The following DDX46 variants were observed in gnomAD, a reference collection of about 807,000 sequenced individuals.
The protein encoded by DDX46 is DEAD-box helicase 46.
In DDX46, 30 loss-of-function variants were observed where a neutral mutation model predicts 134.9. The observed-to-expected ratio is 0.22, with a 90% CI of 0.17 to 0.30. The LOEUF (loss-of-function observed/expected upper bound fraction) is 0.30. DDX46 is among the 10% of genes least tolerant of loss of function. DDX46 has a pLI of 1.00. For synonymous variants in DDX46, 415 were observed against 404.1 expected, an observed-to-expected ratio of 1.03 and a Z score of -0.32; for missense variants, 622 against 1,248.7, an observed-to-expected ratio of 0.50 and a Z score of 7.56.
At chr5:134,775,927 A>G (rs772082385) in intron 5 of DDX46, among the ~76,000 whole-genome samples, 4 of 151,934 alleles carry the variant, frequency 2.6e-5, no homozygotes, top group Non-Finnish European at 5.9e-5. Context: ...AAGCACACCA[A>G]CCCCCACACA....
chr5:134,788,348 G>A (rs1025957058), intron 11 of DDX46, among the ~76,000 whole-genome samples, 165 bp from the exon 12 acceptor site: 3 of 152,022 alleles, frequency 2.0e-5, no homozygotes, highest in African/African-American at 7.2e-5. Context: ...ATGGCACTAT[G>A]TGGTCACGTT....
chr5:134,811,859 T>G lies in DDX46; in HGVS notation c.2436+14T>G. 7 of 1,601,136 alleles carry G rather than the reference T, an allele frequency of 4.4e-6. No homozygotes were observed. Among genetic ancestry groups the G allele is most frequent in the Non-Finnish European group, 6.0e-6 (7 of 1,176,414 alleles). ...GCTGCAGTTGATGTAAGTACTATTA[T>G]TCTCTCATTCTTAATTGAAGCAGTT... On this transcript the variant is annotated intron_variant, in intron 18 of 22. Transcript: ENST00000452510.
At chr5:134,797,222 G>GTTTGAA (rs1754693443) in intron 15 of DDX46, 1 of 224,218 alleles carries the variant, frequency 4.5e-6, no homozygotes, top group African/African-American at 2.5e-5. Context: ...AACAGAGACA[G>GTTTGAA]TTTGAATTAT....
At chr5:134,761,173 G>A (rs1732162414) in intron 1 of DDX46, among the ~76,000 whole-genome samples, 1 of 152,128 alleles carries the variant, frequency 6.6e-6, no homozygotes, top group Non-Finnish European at 1.5e-5. Flanking sequence ...CTGCAAGCGT[G>A]TGCCACCACG....
chr5:134,819,526 A>C (rs2150160210), intron 21 of DDX46, among the ~76,000 whole-genome samples: 1 of 152,242 alleles, frequency 6.6e-6, no homozygotes, highest in Non-Finnish European at 1.5e-5. Flanking sequence ...TTCATTCCAG[A>C]GGCAATTTCC....
chr5:134,807,893 T>C lies in DDX46; in HGVS notation c.2100T>C (p.Tyr700=), dbSNP rs1315022969. 1.1e-5 allele frequency: 18 copies of C among 1,614,066 alleles called. No homozygotes were observed. The highest frequency in any genetic ancestry group is 1.5e-5 in the Non-Finnish European group (18 of 1,180,032). The change falls in exon 16 of 23, where the codon TAT becomes TAC. Residue 700 remains tyrosine, a synonymous_variant. Transcript: ENST00000452510. ...LVVNYSCPNH[Y]EDYVHRAGRT... is the part of the protein sequence containing the mutation. ...TAAATTATAGCTGCCCCAACCATTA[T>C]GAGGATTATGTACACAGAGCAGGGC...
chr5:134,817,245 C>T, intron 19 of DDX46: 1 of 414,402 alleles, frequency 2.4e-6, no homozygotes, highest in Non-Finnish European at 4.3e-6. Flanking sequence ...TCAACTACAT[C>T]TCTATGATCT....
chr5:134,808,096 ATGTACAGGTCTAAGTGT>A (rs1306097932), intron 16 of DDX46, among the ~76,000 whole-genome samples, 155 bp downstream of exon 16: 1 of 152,172 alleles, frequency 6.6e-6, no homozygotes, highest in Non-Finnish European at 1.5e-5. Flanking sequence ...ATTTATATAC[ATGTACAGGTCTAAGTGT>A]TGTTCAAATT....
chr5:134,790,912 C>T (rs1754481627), intron 13 of DDX46, among the ~76,000 whole-genome samples: 1 of 152,114 alleles, frequency 6.6e-6, no homozygotes, highest in Non-Finnish European at 1.5e-5. Flanking sequence ...GCAACCTCTG[C>T]CTCCTGGGTT....
chr5:134,802,681 T>C (rs1754868242), intron 15 of DDX46, among the ~76,000 whole-genome samples: 1 of 152,188 alleles, frequency 6.6e-6, no homozygotes. Flanking sequence ...TTGATCATAA[T>C]TATTATATGT....
At chr5:134,781,379 T>A (rs949600860) in intron 7 of DDX46, 133 bp downstream of exon 7, 1 of 685,420 alleles carries the variant, frequency 1.5e-6, no homozygotes, top group African/African-American at 1.9e-5. Context: ...TTCTTGCTAT[T>A]CTTAGTAGTA....
chr5:134,791,967 C>A (rs778993443), intron 13 of DDX46, among the ~76,000 whole-genome samples: 2 of 152,110 alleles, frequency 1.3e-5, no homozygotes, highest in Non-Finnish European at 2.9e-5. Flanking sequence ...CACTTGAAGT[C>A]AGGAGATCAG....
rs1561870021 is a variant in DDX46 at position 134,807,842 on chromosome 5, A to T, written c.2049A>T (p.Leu683=). The change falls in exon 16 of 23, where the codon CTA becomes CTT. Residue 683 remains leucine, a synonymous_variant. Transcript: ENST00000452510. ...LVATSVAARG[L]DVKHLILVVN... ...CTACCTCTGTTGCTGCCCGAGGTCT[A>T]GATGTGAAACATCTGATTCTTGTAG... 2.5e-6 allele frequency: 4 copies of T among 1,614,088 alleles called. No individual in the cohort carries two copies. Among genetic ancestry groups the T allele is most frequent in the Non-Finnish European group, 3.4e-6 (4 of 1,180,042 alleles).
At chr5:134,775,953 G>A (rs570976397) in intron 5 of DDX46, among the ~76,000 whole-genome samples, 72 of 152,276 alleles carry the variant, frequency 4.7e-4, no homozygotes, top group African/African-American at 1.7e-3. Context: ...ATATCCATAT[G>A]TAACTTTTTA....
At chr5:134,799,175 T>C (rs1754754451) in intron 15 of DDX46, among the ~76,000 whole-genome samples, 1 of 152,208 alleles carries the variant, frequency 6.6e-6, no homozygotes, top group Non-Finnish European at 1.5e-5. Context: ...CATTTGTTTA[T>C]GATTTTTTTA....
intron 15 of DDX46, among the ~76,000 whole-genome samples, chr5:134,799,111 G>C (rs1396204545): frequency 6.6e-6 from 1 of 152,066 alleles, no homozygotes; most frequent in Non-Finnish European, 1.5e-5. Context: ...CTAGGATTTT[G>C]GTATCTGCCA....
At chr5:134,779,431 T>C (rs1754062135) in intron 6 of DDX46, among the ~76,000 whole-genome samples, 1 of 152,366 alleles carries the variant, frequency 6.6e-6, no homozygotes, top group African/African-American at 2.4e-5. Context: ...TGACCTCAAA[T>C]GATCTGTCTG....
Position 134,808,076 on chromosome 5 carries a change from G to A in DDX46, c.2148+135G>A. On this transcript the variant is annotated intron_variant, in intron 16 of 22. Coordinates refer to ENST00000452510, the MANE Select transcript of DDX46 (RefSeq NM_001300860.2). ...AATCCACATAATGTGAAGAGTGGTTGATGTTAATAATTTATATACATGTAC... is the reference window on the plus strand; with the variant it reads ...AATCCACATAATGTGAAGAGTGGTTAATGTTAATAATTTATATACATGTAC... 3.7e-6 allele frequency: 3 copies of A among 820,970 alleles called. 1 individual carries two copies. Among genetic ancestry groups the A allele is most frequent in the South Asian group, 2.3e-5 (1 of 42,616 alleles). 50.9% of individuals were successfully genotyped at this position (820,970 alleles called of 1,614,324 possible). A position where few individuals can be genotyped will look rare whatever the true frequency, so the allele number is the denominator to read the frequency against.
intron 3 of DDX46, among the ~76,000 whole-genome samples, chr5:134,768,356 C>T (rs373546529): frequency 1.1e-4 from 16 of 151,714 alleles, no homozygotes; most frequent in East Asian, 3.9e-4. Context: ...GTGATCCACC[C>T]GCCTCGGCCT....
Sources: allele counts gnomAD v4.1 joint callset (sites outside exome capture counted in the v4.1 genomes callset), GRCh38; gene constraint gnomAD v4.1.1; transcripts MANE v1.5; gene names NCBI Gene and HGNC (gene_info 2026-07-23, HGNC 2026-07-21).